Variants in LYRM1 observed in about 807,000 individuals in gnomAD.
LYRM1 encodes LYR motif-containing protein 1.
In LYRM1, 14 loss-of-function variants were observed where a neutral mutation model predicts 14.9. The ratio of observed to expected loss-of-function variants is 0.94; its 90% CI spans 0.62 to 1.47. The LOEUF is 1.47. LYRM1 is among the 40% of genes most tolerant of loss of function. LYRM1 has a pLI of 0.00. For missense variants in LYRM1, 153 were observed against 149.9 expected (o/e 1.02, Z -0.11); for synonymous variants, 43 against 56.2 (o/e 0.77, Z 1.05).
chr16:20,923,513 AGAAAGAAAG>A (rs2083308685), intron 3 of LYRM1, among the ~76,000 whole-genome samples: 1 of 148,832 alleles, frequency 6.7e-6, no homozygotes. Flanking sequence ...AAAAAAAAAA[AGAAAGAAAG>A]AAAAATTAAC....
intron 1 of LYRM1, 119 bp from the exon 2 acceptor site, chr16:20,915,437 G>C: frequency 1.1e-6 from 1 of 941,164 alleles, no homozygotes; most frequent in Non-Finnish European, 1.6e-6. Context: ...TACAGCCTGG[G>C]CGACAGAGCA....
At chr16:20,914,507 G>A (rs1392142490) in intron 1 of LYRM1, among the ~76,000 whole-genome samples, 1 of 133,874 alleles carries the variant, frequency 7.5e-6, no homozygotes, top group East Asian at 2.2e-4. Flanking sequence ...TCACCATGTT[G>A]CCCAGGCTAG....
At chr16:20,919,334 G>T (rs946245986) in intron 2 of LYRM1, among the ~76,000 whole-genome samples, 2 of 152,224 alleles carry the variant, frequency 1.3e-5, no homozygotes, top group African/African-American at 4.8e-5. Flanking sequence ...ATCAACATGA[G>T]GGGGGTGTGA....
rs578080663 is a variant in LYRM1, at chr16:20,912,371, G to A, written c.1-3185G>A. On this transcript the variant is annotated intron_variant, in intron 1 of 3. Coordinates refer to ENST00000567954, the MANE Select transcript of LYRM1 (RefSeq NM_001128302.3). ...TGCCAGCTCCGCCTCCCGGGTTCAC[G>A]CCATTCTCCTGCCTCAGCCTCCCGA... Among the ~76,000 whole-genome samples, 37 of 152,076 alleles carry A rather than the reference G, an allele frequency of 2.4e-4. No homozygotes were observed. In the South Asian group the frequency reaches 6.2e-3, roughly 26 times the overall value.
At position 20,924,168 on chromosome 16, in the gene LYRM1, TA is replaced by T; in HGVS notation, c.*55del. 1 of 1,022,462 alleles carries T rather than the reference TA, an allele frequency of 9.8e-7. No homozygotes were observed. The highest frequency in any genetic ancestry group is 1.5e-6 in the Non-Finnish European group (1 of 670,520). The allele number at this position is 1,022,462 out of a possible 1,614,324, so 63.3% of individuals were successfully genotyped here. On this transcript the variant is annotated 3_prime_UTR_variant, in exon 4 of 4. Coordinates refer to ENST00000567954, the MANE Select transcript of LYRM1 (RefSeq NM_001128302.3). Reference sequence around the variant, plus strand: ...TGATGAGCCAACTAGTTATTGAATGTAAACCAGATGGCAAAACACTTCTTGA... The same window carrying T: ...TGATGAGCCAACTAGTTATTGAATGTAACCAGATGGCAAAACACTTCTTGA...
chr16:20,923,556 C>A (rs1331223592), intron 3 of LYRM1, among the ~76,000 whole-genome samples: 1 of 151,714 alleles, frequency 6.6e-6, no homozygotes, highest in East Asian at 1.9e-4. Context: ...ATTTAACCAG[C>A]CCCTCTCTTG....
At chr16:20,920,264 T>A in intron 3 of LYRM1, 50 bp downstream of exon 3, 3 of 1,331,044 alleles carry the variant, frequency 2.3e-6, no homozygotes, top group Non-Finnish European at 3.3e-6. Context: ...CTCATCAACC[T>A]GGTTATTTCC....
intron 1 of LYRM1, among the ~76,000 whole-genome samples, chr16:20,904,861 G>C (rs548023597): frequency 6.6e-6 from 1 of 152,056 alleles, no homozygotes; most frequent in Non-Finnish European, 1.5e-5. Context: ...AGTGCCCTGA[G>C]GGATAAACAA....
intron 2 of LYRM1, 118 bp from the exon 3 acceptor site, chr16:20,920,004 A>G (rs2083101252): frequency 1.8e-6 from 1 of 558,200 alleles, no homozygotes; most frequent in Non-Finnish European, 3.1e-6. Flanking sequence ...GATTTTCCAA[A>G]TTAGTAACAT....
intron 3 of LYRM1, among the ~76,000 whole-genome samples, chr16:20,923,506 AAAAAAAAG>A (rs2083305308): frequency 6.6e-6 from 1 of 151,166 alleles, no homozygotes; most frequent in Non-Finnish European, 1.5e-5. Context: ...CTCAAAAAAA[AAAAAAAAG>A]AAAGAAAGAA....
intron 1 of LYRM1, among the ~76,000 whole-genome samples, chr16:20,914,463 T>C (rs1249210748): frequency 6.7e-6 from 1 of 150,116 alleles, no homozygotes; most frequent in Non-Finnish European, 1.5e-5. Flanking sequence ...TAATTTTTTT[T>C]TTTTTTTTTT....
At chr16:20,909,536 C>T (rs2082483449) in intron 1 of LYRM1, among the ~76,000 whole-genome samples, 1 of 152,158 alleles carries the variant, frequency 6.6e-6, no homozygotes, top group Non-Finnish European at 1.5e-5. Flanking sequence ...TCCCAGCAGA[C>T]CCCATTGTAT....
At chr16:20,905,962 G>A (rs1036052731) in intron 1 of LYRM1, among the ~76,000 whole-genome samples, 3 of 152,110 alleles carry the variant, frequency 2.0e-5, no homozygotes, top group Admixed American at 1.3e-4. Context: ...GAGAACATAC[G>A]TTATCAATGA....
At chr16:20,909,096 G>T (rs192717777) in intron 1 of LYRM1, among the ~76,000 whole-genome samples, 18 of 152,190 alleles carry the variant, frequency 1.2e-4, no homozygotes, top group Non-Finnish European at 2.2e-4. Flanking sequence ...CAATCTTTGG[G>T]ACACTTGGCA....
intron 1 of LYRM1, among the ~76,000 whole-genome samples, chr16:20,904,128 T>C (rs911697615): frequency 1.3e-5 from 2 of 152,184 alleles, no homozygotes; most frequent in South Asian, 2.1e-4. Context: ...TGTTAAAATA[T>C]GCTAATAAGG....
At chr16:20,917,081 C>G (rs2082941878) in intron 2 of LYRM1, among the ~76,000 whole-genome samples, 1 of 150,200 alleles carries the variant, frequency 6.7e-6, no homozygotes, top group South Asian at 2.1e-4. Flanking sequence ...AGCGTTACTA[C>G]AGAAGCCCTC....
intron 1 of LYRM1, among the ~76,000 whole-genome samples, chr16:20,907,974 A>G (rs1361915839): frequency 1.3e-5 from 2 of 152,208 alleles, no homozygotes; most frequent in African/African-American, 2.4e-5. Context: ...CAGAAACGGC[A>G]GGTGTCTGGC....
intron 1 of LYRM1, among the ~76,000 whole-genome samples, chr16:20,905,713 C>T (rs535892270): frequency 1.3e-5 from 2 of 152,178 alleles, no homozygotes; most frequent in African/African-American, 2.4e-5. Context: ...TGGACAAACC[C>T]TAACCAGCCT....
chr16:20,912,412 G>A (rs559779557), intron 1 of LYRM1, among the ~76,000 whole-genome samples: 191 of 152,002 alleles, frequency 1.3e-3, no homozygotes, highest in Non-Finnish European at 2.3e-3. Context: ...TGGGACAGGC[G>A]CCCACCACCA....
Sources: gnomAD v4.1 joint callset for allele counts (sites outside exome capture counted in the v4.1 genomes callset) on GRCh38, gnomAD v4.1.1 for gene constraint, MANE v1.5 for transcripts, NCBI Gene and HGNC (gene_info 2026-07-23, HGNC 2026-07-21) for gene names.